PLCL2: variants seen among roughly 807,000 people sequenced by gnomAD.
PLCL2 encodes the protein inactive phospholipase C-like protein 2.
Under a neutral mutation model 79.6 loss-of-function variants are expected in PLCL2, and 4 were observed. The ratio of observed to expected loss-of-function variants is 0.05; its 90% confidence interval spans 0.02 to 0.11. The LOEUF is 0.11. Among genes scored for constraint, PLCL2 ranks in the 10% least tolerant of loss-of-function variants. The pLI, the probability that PLCL2 is intolerant of heterozygous loss-of-function variation, is 1.00. For missense variants in PLCL2, 895 were observed against 1,291.0 expected, an observed-to-expected ratio of 0.69 and a Z score of 4.70; for synonymous variants, 484 against 457.7, an observed-to-expected ratio of 1.06 and a Z score of -0.73.
At chr3:17,001,277 C>G (rs942512156) in intron 1 of PLCL2, among the ~76,000 whole-genome samples, 7 of 151,772 alleles carry the variant, frequency 4.6e-5, no homozygotes, top group African/African-American at 1.7e-4. Flanking sequence ...TTATTAATGC[C>G]TCATTGGACA....
chr3:16,981,028 C>T (rs995792224), intron 1 of PLCL2, among the ~76,000 whole-genome samples: 4 of 152,184 alleles, frequency 2.6e-5, no homozygotes, highest in Non-Finnish European at 5.9e-5. Flanking sequence ...CGCAGGCACT[C>T]GGCAAGCTGA....
intron 1 of PLCL2, among the ~76,000 whole-genome samples, chr3:16,987,304 A>C (rs992760352): frequency 7.2e-5 from 11 of 152,046 alleles, no homozygotes; most frequent in Non-Finnish European, 5.9e-5. Context: ...AGGTTTGAAG[A>C]GCAGGCACAG....
At chr3:17,029,270 A>G (rs2064554270) in intron 3 of PLCL2, among the ~76,000 whole-genome samples, 1 of 151,122 alleles carries the variant, frequency 6.6e-6, no homozygotes, top group African/African-American at 2.4e-5. Flanking sequence ...CAGACCCTAG[A>G]TGTCTCCCCA....
chr3:17,058,217 G>A (rs767610974), intron 4 of PLCL2, among the ~76,000 whole-genome samples: 6 of 152,154 alleles, frequency 3.9e-5, no homozygotes, highest in Non-Finnish European at 7.3e-5. Context: ...ATACAGCCCC[G>A]GCCAGCAGCA....
At chr3:16,910,433 G>A (rs1361501204) in intron 1 of PLCL2, among the ~76,000 whole-genome samples, 1 of 151,818 alleles carries the variant, frequency 6.6e-6, no homozygotes, top group Non-Finnish European at 1.5e-5. Flanking sequence ...CCCCTTCTTG[G>A]CACACTTACT....
At chr3:16,909,877 A>G (rs1285691361) in intron 1 of PLCL2, among the ~76,000 whole-genome samples, 2 of 152,180 alleles carry the variant, frequency 1.3e-5, no homozygotes, top group Admixed American at 1.3e-4. Flanking sequence ...CCTAGGAAAC[A>G]ATATTGGTCT....
chr3:17,004,665 G>A (rs946380823), intron 1 of PLCL2, among the ~76,000 whole-genome samples: 6 of 152,050 alleles, frequency 3.9e-5, no homozygotes, highest in African/African-American at 1.4e-4. Flanking sequence ...TTGCAGGGTA[G>A]CCCTTATGTG....
intron 1 of PLCL2, among the ~76,000 whole-genome samples, chr3:16,975,880 A>G (rs962253740): frequency 6.6e-6 from 1 of 152,126 alleles, no homozygotes; most frequent in African/African-American, 2.4e-5. Flanking sequence ...TTCTGCCAAT[A>G]TCTGTGGAGG....
intron 1 of PLCL2, among the ~76,000 whole-genome samples, chr3:16,901,910 G>C (rs1477902478): frequency 1.3e-5 from 2 of 152,204 alleles, no homozygotes; most frequent in Admixed American, 6.5e-5. Flanking sequence ...CATCAGGGCT[G>C]TCTGTGCCAC....
intron 1 of PLCL2, among the ~76,000 whole-genome samples, chr3:16,996,272 G>C (rs188941777): frequency 1.3e-5 from 2 of 152,146 alleles, no homozygotes; most frequent in South Asian, 4.2e-4. Flanking sequence ...AGTGGGCTGC[G>C]ACTCAGGGCA....
At chr3:17,047,060 G>T (rs1306689890) in intron 4 of PLCL2, among the ~76,000 whole-genome samples, 2 of 152,134 alleles carry the variant, frequency 1.3e-5, no homozygotes, top group Non-Finnish European at 2.9e-5. Context: ...TACTAAGGAA[G>T]GGAAACAATC....
chr3:16,953,316 C>T (rs2063670097), intron 1 of PLCL2, among the ~76,000 whole-genome samples: 1 of 152,040 alleles, frequency 6.6e-6, no homozygotes, highest in Non-Finnish European at 1.5e-5. Flanking sequence ...TGTGATTTCA[C>T]TTCATGTATT....
intron 1 of PLCL2, among the ~76,000 whole-genome samples, chr3:16,919,576 T>C (rs1181696369): frequency 6.6e-6 from 1 of 152,190 alleles, no homozygotes; most frequent in Non-Finnish European, 1.5e-5. Context: ...TTACTTTTTC[T>C]TTCTTTGGGT....
At chr3:16,924,746 C>G (rs1003936647) in intron 1 of PLCL2, among the ~76,000 whole-genome samples, 1 of 152,170 alleles carries the variant, frequency 6.6e-6, no homozygotes, top group Non-Finnish European at 1.5e-5. Context: ...CTGTTTCCAG[C>G]AGCACCATGG....
chr3:17,010,027 G>A lies in PLCL2; in HGVS notation c.681G>A (p.Glu227=), dbSNP rs1442635514. ...AFSVIYGENY[E]SLDLVANSAD... ...CCGTCATATATGGAGAGAATTATGA[G>A]TCACTGGATTTGGTTGCCAACTCCG... Residue 227 remains glutamate (E), a synonymous_variant, in exon 2 of 6, where the codon GAG becomes GAA. Transcript: ENST00000615277. The surrounding 1 kb of genome is among the most constrained non-coding windows in gnomAD (Gnocchi z 5.8). 2 of 1,613,460 alleles carry A rather than the reference G, an allele frequency of 1.2e-6. No homozygotes were observed. The highest frequency in any genetic ancestry group is 1.7e-6 in the Non-Finnish European group (2 of 1,179,400).
At chr3:16,928,972 T>C (rs1284081787) in intron 1 of PLCL2, among the ~76,000 whole-genome samples, 1 of 1,154 alleles carries the variant, frequency 8.7e-4, no homozygotes, top group African/African-American at 2.9e-3. Context: ...AGGCTGTGAG[T>C]TTAGAATTTT....
At chr3:16,898,299 A>C (rs1381863392) in intron 1 of PLCL2, among the ~76,000 whole-genome samples, 1 of 151,894 alleles carries the variant, frequency 6.6e-6, no homozygotes, top group Non-Finnish European at 1.5e-5. Flanking sequence ...GAGAAAATCT[A>C]CAGCCTTTTT....
chr3:16,903,232 A>T (rs1358205297), intron 1 of PLCL2, among the ~76,000 whole-genome samples: 3 of 152,196 alleles, frequency 2.0e-5, no homozygotes, highest in African/African-American at 4.8e-5. Flanking sequence ...ATGATTAATA[A>T]TTTTTTCCCA....
At chr3:17,089,324 T>C (rs2065251268) in intron 5 of PLCL2, among the ~76,000 whole-genome samples, 2 of 152,232 alleles carry the variant, frequency 1.3e-5, no homozygotes, top group Admixed American at 6.5e-5. Flanking sequence ...ATACAAGACC[T>C]CTCTGTACTA....
Sources: allele counts gnomAD v4.1 joint callset (sites outside exome capture counted in the v4.1 genomes callset), GRCh38; gene constraint gnomAD v4.1.1; non-coding constraint Gnocchi (gnomAD v3.1); transcripts MANE v1.5; gene names NCBI Gene and HGNC (gene_info 2026-07-23, HGNC 2026-07-21).